The following XRCC4 variants were observed in gnomAD, a reference collection of about 807,000 sequenced individuals.
The protein encoded by XRCC4 is DNA repair protein XRCC4.
A neutral mutation model predicts 39.1 loss-of-function variants in XRCC4; 28 were observed. That is an observed-to-expected ratio of 0.72 (90% CI 0.53 to 0.98). The LOEUF (loss-of-function observed/expected upper bound fraction) is 0.98. XRCC4 is among the 50% of genes least tolerant of loss of function. The probability of loss-of-function intolerance (pLI) is 0.00; values close to 1 mark genes in which losing one functional copy is unlikely to be tolerated. For synonymous variants in XRCC4, 123 were observed against 126.4 expected, an observed-to-expected ratio of 0.97 and a Z score of 0.18; for missense variants, 350 against 376.4, an observed-to-expected ratio of 0.93 and a Z score of 0.58.
chr5:83,116,431 T>C (rs1746712774), intron 3 of XRCC4, among the ~76,000 whole-genome samples: 1 of 152,136 alleles, frequency 6.6e-6, no homozygotes, highest in Admixed American at 6.5e-5. Flanking sequence ...CACTGTGCAA[T>C]TTGAACATTT....
At chr5:83,362,260 G>A in the XRCC4 span, among the ~76,000 whole-genome samples, 1 of 114,966 alleles carries the variant, frequency 8.7e-6, no homozygotes, top group Admixed American at 1.1e-4. Context: ...AAGAATTTTA[G>A]AGGAAAACAT....
chr5:83,161,790 T>C (rs1429067791), intron 3 of XRCC4, among the ~76,000 whole-genome samples: 1 of 152,210 alleles, frequency 6.6e-6, no homozygotes, highest in Non-Finnish European at 1.5e-5. Flanking sequence ...ACCTGTATTA[T>C]GATTTCATGT....
rs549449422 is a variant in XRCC4, at chr5:83,240,300, G to A, written c.746-18230G>A. ...AATGAGCTGGATAGAAAGCCTCAGA[G>A]TATTAAATTGACATTTTAGAAAGAT... is the stretch of plus-strand genomic sequence containing the variant. On this transcript the variant is annotated intron_variant, in intron 6 of 7. Transcript: ENST00000396027. Among the ~76,000 whole-genome samples the A allele has an allele frequency of 7.7e-4, 117 of 152,294 alleles. 1 individual carries two copies. Among genetic ancestry groups the A allele is most frequent in the South Asian group, 2.5e-3 (12 of 4,822 alleles).
At chr5:83,163,115 T>C (rs1214349460) in intron 3 of XRCC4, among the ~76,000 whole-genome samples, 1 of 151,858 alleles carries the variant, frequency 6.6e-6, no homozygotes, top group Admixed American at 6.6e-5. Flanking sequence ...TCTGGCTAAT[T>C]TTTGTATTTT....
chr5:83,277,660 A>G (rs1754382586), intron 7 of XRCC4, among the ~76,000 whole-genome samples: 1 of 152,240 alleles, frequency 6.6e-6, no homozygotes, highest in Non-Finnish European at 1.5e-5. Flanking sequence ...TGAAAGTTTA[A>G]TATCATTACC....
chr5:83,244,233 T>C (rs1042349164), intron 6 of XRCC4, among the ~76,000 whole-genome samples: 2 of 152,180 alleles, frequency 1.3e-5, no homozygotes, highest in African/African-American at 4.8e-5. Flanking sequence ...ACGTCAGTAA[T>C]TTTTTATTAT....
chr5:83,363,505 C>T, the XRCC4 span, among the ~76,000 whole-genome samples: 3 of 152,160 alleles, frequency 2.0e-5, no homozygotes, highest in African/African-American at 7.2e-5. Context: ...CTCAGACTCT[C>T]CTATTTCTTT....
chr5:83,096,030 C>T (rs2112336569), intron 1 of XRCC4, among the ~76,000 whole-genome samples: 1 of 151,964 alleles, frequency 6.6e-6, no homozygotes, highest in South Asian at 2.1e-4. Context: ...AGTTCCCTTA[C>T]TGTGGCAGGG....
chr5:83,184,490 GA>G (rs979412742), intron 3 of XRCC4, among the ~76,000 whole-genome samples: 3 of 151,224 alleles, frequency 2.0e-5, no homozygotes, highest in Non-Finnish European at 4.4e-5. Flanking sequence ...TTATAGTTAG[GA>G]AAAAAAATTA....
chr5:83,347,883 T>C (rs1298629735), intron 7 of XRCC4, among the ~76,000 whole-genome samples: 3 of 152,242 alleles, frequency 2.0e-5, no homozygotes, highest in Admixed American at 1.3e-4. Flanking sequence ...ATTACAAGCA[T>C]TGGGTAAGTT....
intron 7 of XRCC4, among the ~76,000 whole-genome samples, chr5:83,293,652 T>G (rs1437782360): frequency 6.6e-6 from 1 of 152,112 alleles, no homozygotes; most frequent in Non-Finnish European, 1.5e-5. Flanking sequence ...TGTATGTGTC[T>G]TCCCTCCATT....
rs528737512 is a variant in XRCC4 at position 83,219,190 on chromosome 5, C to T, written c.745+14269C>T. Among the ~76,000 whole-genome samples the T allele has an allele frequency of 5.3e-5, 8 of 152,194 alleles. No individual in the cohort carries two copies. In the East Asian group the frequency reaches 1.5e-3, roughly 29 times the overall value. ...GGGTACCAGTCATATTGGATTAGGG[C>T]TCACCCTAATGACCTCATTTTAACT... On this transcript the variant is annotated intron_variant, in intron 6 of 7. Transcript: ENST00000396027.
At chr5:83,262,953 A>C (rs1426491196) in intron 7 of XRCC4, among the ~76,000 whole-genome samples, 2 of 143,184 alleles carry the variant, frequency 1.4e-5, no homozygotes, top group East Asian at 2.2e-4. Flanking sequence ...CTAACTCGTC[A>C]TCTAGCATTA....
intron 7 of XRCC4, among the ~76,000 whole-genome samples, chr5:83,265,846 T>C (rs1055155924): frequency 7.6e-5 from 11 of 145,474 alleles, no homozygotes; most frequent in African/African-American, 3.1e-4. Flanking sequence ...CATAGGTGTT[T>C]TAATAAATAT....
chr5:83,124,092 GTA>G (rs1038599400), intron 3 of XRCC4, among the ~76,000 whole-genome samples: 1 of 152,050 alleles, frequency 6.6e-6, no homozygotes, highest in African/African-American at 2.4e-5. Flanking sequence ...ACTACAGACT[GTA>G]CACAGATTTT....
At chr5:83,372,505 C>A in the XRCC4 span, among the ~76,000 whole-genome samples, 3 of 152,120 alleles carry the variant, frequency 2.0e-5, no homozygotes, top group East Asian at 5.8e-4. Context: ...AGGTCTTGGA[C>A]CCCTGGGGGT....
At chr5:83,302,939 G>A (rs564346607) in intron 7 of XRCC4, among the ~76,000 whole-genome samples, 6 of 152,288 alleles carry the variant, frequency 3.9e-5, no homozygotes, top group African/African-American at 7.2e-5. Context: ...CAGGCCGGGC[G>A]CAGTGGCTTA....
intron 1 of XRCC4, among the ~76,000 whole-genome samples, chr5:83,085,767 A>G (rs959394191): frequency 1.4e-4 from 21 of 152,204 alleles, no homozygotes; most frequent in Non-Finnish European, 2.8e-4. Flanking sequence ...AAATGGCAAC[A>G]TAGAAAATAG....
intron 6 of XRCC4, among the ~76,000 whole-genome samples, chr5:83,257,747 T>C (rs1390916250): frequency 6.6e-6 from 1 of 152,156 alleles, no homozygotes; most frequent in Admixed American, 6.5e-5. Context: ...TGTATGTTTA[T>C]TGCAGCTCTA....
Sources: allele counts gnomAD v4.1 joint callset (sites outside exome capture counted in the v4.1 genomes callset), GRCh38; gene constraint gnomAD v4.1.1; transcripts MANE v1.5; gene names NCBI Gene and HGNC (gene_info 2026-07-23, HGNC 2026-07-21).